The following RNMT variants were observed in gnomAD, a reference collection of about 807,000 sequenced individuals.
RNMT encodes mRNA cap guanine-N(7) methyltransferase.
RNMT carries 27 observed loss-of-function variants against 56.0 expected under a neutral mutation model. The ratio of observed to expected loss-of-function variants is 0.48; its 90% confidence interval spans 0.36 to 0.67. The LOEUF is 0.67. Ranked by LOEUF, RNMT falls within the 30% of genes least tolerant of loss-of-function variation. The pLI, the probability that RNMT is intolerant of heterozygous loss-of-function variation, is 0.00. For missense variants in RNMT, 519 were observed against 552.1 expected (o/e 0.94, Z 0.60); for synonymous variants, 184 against 176.2 (o/e 1.04, Z -0.35).
rs759780550 is a variant in RNMT at position 13,731,599 on chromosome 18, T to A, written c.82T>A (p.Ser28Thr). Residue 28 changes from serine (S) to threonine (T), a missense_variant, in exon 3 of 12, where the codon TCT (serine) becomes ACT (threonine). Ser to Thr is a moderately conservative substitution (Grantham distance 58, BLOSUM62 1). Coordinates refer to ENST00000383314, the MANE Select transcript of RNMT (RefSeq NM_003799.3). ...AGCGTCAGTGAATTCTGAAACAGAG[T>A]CTTCATTCAATATTAATGAAAACAC... ...AKASVNSETE[S>T]SFNINENTTA... 3.7e-5 allele frequency: 60 copies of A among 1,613,666 alleles called. 1 individual carries two copies. In the South Asian group the frequency reaches 6.3e-4, roughly 17 times the overall value.
intron 1 of RNMT, among the ~76,000 whole-genome samples, chr18:13,728,947 TC>T (rs1321737421): frequency 6.6e-6 from 1 of 152,218 alleles, no homozygotes; most frequent in Non-Finnish European, 1.5e-5. Flanking sequence ...CACTCTTGTT[TC>T]CTTTGCTGTG....
At chr18:13,752,290 C>A in intron 9 of RNMT, 36 bp from the exon 10 acceptor site, 1 of 1,292,088 alleles carries the variant, frequency 7.7e-7, no homozygotes, top group Non-Finnish European at 1.1e-6. Flanking sequence ...TGTAAATTTC[C>A]GTTATTGTAA....
Position 13,731,771 on chromosome 18 carries a change from A to G in RNMT, c.254A>G (p.Asp85Gly). ...KDTPSKKRKL[D>G]PEIVPEEKDC... ...ACTCCATCCAAGAAGAGAAAACTTG[A>G]TCCTGAAATTGTCCCAGAGGAAAAA... The change falls in exon 3 of 12, where the codon GAT (aspartate) becomes GGT (glycine). Residue 85 changes from aspartate (D) to glycine (G), a missense_variant. Transcript: ENST00000383314. 6.2e-7 allele frequency: 1 copy of G among 1,612,962 alleles called. No individual in the cohort carries two copies. The highest frequency in any genetic ancestry group is 2.2e-5 in the East Asian group (1 of 44,860).
chr18:13,746,475 A>G (rs1472065979), intron 9 of RNMT, 138 bp downstream of exon 9: 13 of 667,764 alleles, frequency 1.9e-5, no homozygotes, highest in African/African-American at 3.7e-5. Flanking sequence ...AGCTTGATAC[A>G]GAAACTGCAT....
At chr18:13,733,612 A>T (rs2044111878) in intron 3 of RNMT, among the ~76,000 whole-genome samples, 1 of 152,118 alleles carries the variant, frequency 6.6e-6, no homozygotes, top group South Asian at 2.1e-4. Context: ...TCCTGACTTC[A>T]AGTGATCCTC....
chr18:13,761,266 A>G lies in RNMT; in HGVS notation c.*1287A>G. The G allele has an allele frequency of 1.0e-6, 1 of 985,444 alleles. No homozygotes were observed. The highest frequency in any genetic ancestry group is 1.2e-6 in the Non-Finnish European group (1 of 829,916). The allele number at this position is 985,444 out of a possible 1,614,324, so 61.0% of individuals were successfully genotyped here. A position where few individuals can be genotyped will look rare whatever the true frequency, so the allele number is the denominator to read the frequency against. On this transcript the variant is annotated 3_prime_UTR_variant, in exon 12 of 12. Transcript: ENST00000383314. ...AATCTCCACAAAGTGTTACCAGTTT[A>G]CAAAAATAAGTCTTTTTGCCTTAAG... is the stretch of plus-strand genomic sequence containing the variant.
intron 5 of RNMT, among the ~76,000 whole-genome samples, chr18:13,738,030 G>A (rs923569286): frequency 2.6e-5 from 4 of 151,786 alleles, no homozygotes; most frequent in African/African-American, 9.7e-5. Context: ...ACCTTAGCCC[G>A]GTGGTTAGTC....
At chr18:13,746,036 A>G (rs1267563023) in intron 8 of RNMT, among the ~76,000 whole-genome samples, 184 bp from the exon 9 acceptor site, 1 of 152,186 alleles carries the variant, frequency 6.6e-6, no homozygotes, top group Non-Finnish European at 1.5e-5. Context: ...TGAGATTTAG[A>G]ATGCATGTTT....
In RNMT at chr18:13,759,944, A is replaced by G. The variant is rs760569010; in HGVS notation, c.1396A>G (p.Ile466Val). 3 of 1,610,356 alleles carry G rather than the reference A, an allele frequency of 1.9e-6. No homozygotes were observed. Among genetic ancestry groups the G allele is most frequent in the African/African-American group, 1.3e-5 (1 of 74,822 alleles). Reference sequence around the variant, plus strand: ...ACTCTTATTTATTTCTTCTTTAGGTATTTACTTGGTGTTTGCCTTTGAGAA... The same window carrying G: ...ACTCTTATTTATTTCTTCTTTAGGTGTTTACTTGGTGTTTGCCTTTGAGAA... Reference protein sequence around the residue: ...LSKSEWEATSIYLVFAFEKQQ With the variant: ...LSKSEWEATSVYLVFAFEKQQ Residue 466 changes from isoleucine (I) to valine (V), a missense_variant and splice_region_variant, in exon 12 of 12, where the codon ATT becomes GTT. Coordinates refer to ENST00000383314, the MANE Select transcript of RNMT (RefSeq NM_003799.3).
intron 2 of RNMT, 124 bp from the exon 3 acceptor site, chr18:13,731,352 G>T (rs1568496872): frequency 4.2e-6 from 2 of 476,400 alleles, no homozygotes; most frequent in Admixed American, 7.5e-5. Flanking sequence ...AGCTTGCAGT[G>T]AGCCGAGATC....
intron 4 of RNMT, among the ~76,000 whole-genome samples, chr18:13,735,879 A>G (rs1369525231): frequency 6.6e-6 from 1 of 152,046 alleles, no homozygotes; most frequent in Non-Finnish European, 1.5e-5. Context: ...ATCCTAATAC[A>G]ATCAGTGTGA....
At chr18:13,731,428 T>C (rs2044066098) in intron 2 of RNMT, 48 bp from the exon 3 acceptor site, 1 of 1,055,754 alleles carries the variant, frequency 9.5e-7, no homozygotes, top group South Asian at 1.8e-5. Context: ...AAAAATTGTT[T>C]TAAAGTCTTA....
At chr18:13,754,566 C>T (rs559544951) in intron 11 of RNMT, among the ~76,000 whole-genome samples, 3 of 152,334 alleles carry the variant, frequency 2.0e-5, no homozygotes, top group East Asian at 3.9e-4. Context: ...TTTACACACA[C>T]ACACAAATAC....
rs2044625413 is a variant in RNMT, at chr18:13,761,938, G to C, written c.*1959G>C. The C allele has an allele frequency of 4.6e-6, 6 of 1,305,952 alleles. No individual in the cohort carries two copies. Among genetic ancestry groups the C allele is most frequent in the Non-Finnish European group, 5.9e-6 (6 of 1,016,456 alleles). The allele number at this position is 1,305,952 out of a possible 1,614,324, so 80.9% of individuals were successfully genotyped here. ...AACTGTTAGGAAGAGGACTAGAAAA[G>C]GCTTCCCCTGCCTATCCTCTCCGAT... is the stretch of plus-strand genomic sequence containing the variant. On this transcript the variant is annotated 3_prime_UTR_variant, in exon 12 of 12. Coordinates refer to ENST00000383314, the MANE Select transcript of RNMT (RefSeq NM_003799.3).
At chr18:13,751,348 C>A (rs2044442812) in intron 9 of RNMT, among the ~76,000 whole-genome samples, 1 of 152,150 alleles carries the variant, frequency 6.6e-6, no homozygotes, top group South Asian at 2.1e-4. Context: ...ATTTATGCAG[C>A]CAACAGACAC....
intron 4 of RNMT, among the ~76,000 whole-genome samples, chr18:13,735,346 C>T (rs2044140992): frequency 6.6e-6 from 1 of 152,098 alleles, no homozygotes; most frequent in African/African-American, 2.4e-5. Context: ...AGATAAATTA[C>T]CTAATCTGAT....
At position 13,732,742 on chromosome 18, in the gene RNMT, C is replaced by CTTTTTTTTTTTTTTTTTT. The variant is rs376073026; in HGVS notation, c.417+811_417+828dup. 7.0e-5 allele frequency among the ~76,000 whole-genome samples: 2 copies of CTTTTTTTTTTTTTTTTTT among 28,534 alleles called. 1 individual carries two copies. Among genetic ancestry groups the CTTTTTTTTTTTTTTTTTT allele is most frequent in the African/African-American group, 2.0e-4 (2 of 9,776 alleles). 18.7% of individuals were successfully genotyped at this position (28,534 alleles called of 152,430 possible). ...TTCTTGTAACAGAGGGGAGCCCCCC[C>CTTTTTTTTTTTTTTTTTT]TTTTTTTTTTTTTTTTTTTTGGAGA... On this transcript the variant is annotated intron_variant, in intron 3 of 11. Transcript: ENST00000383314.
intron 8 of RNMT, 122 bp downstream of exon 8, chr18:13,742,774 T>A: frequency 1.4e-6 from 1 of 729,526 alleles, no homozygotes; most frequent in Non-Finnish European, 2.1e-6. Context: ...TATAATCTTG[T>A]TTTTTTGTTT....
At position 13,761,915 on chromosome 18, in the gene RNMT, C is replaced by G; in HGVS notation, c.*1936C>G. The G allele has an allele frequency of 8.4e-7, 1 of 1,187,900 alleles. No individual in the cohort carries two copies. The highest frequency in any genetic ancestry group is 1.1e-6 in the Non-Finnish European group (1 of 951,326). 73.6% of individuals were successfully genotyped at this position (1,187,900 alleles called of 1,614,324 possible). A position where few individuals can be genotyped will look rare whatever the true frequency, so the allele number is the denominator to read the frequency against. On this transcript the variant is annotated 3_prime_UTR_variant, in exon 12 of 12. Coordinates refer to ENST00000383314, the MANE Select transcript of RNMT (RefSeq NM_003799.3). ...AAGTTTCTGGATATTGACTTAAGAA[C>G]TGTTAGGAAGAGGACTAGAAAAGGC... is the stretch of plus-strand genomic sequence containing the variant.
Sources: allele counts gnomAD v4.1 joint callset (sites outside exome capture counted in the v4.1 genomes callset), GRCh38; gene constraint gnomAD v4.1.1; transcripts MANE v1.5; gene names NCBI Gene and HGNC (gene_info 2026-07-23, HGNC 2026-07-21).